Variants in FGF14 observed in about 807,000 individuals in gnomAD.
FGF14 encodes the protein fibroblast growth factor homologous factor 4.
In FGF14, 5 loss-of-function variants were observed where a neutral mutation model predicts 25.5. The ratio of observed to expected loss-of-function variants is 0.20; its 90% CI spans 0.10 to 0.41. The LOEUF is 0.41. Ranked by LOEUF, FGF14 falls within the 10% of genes least tolerant of loss-of-function variation. FGF14 has a pLI of 1.00. For missense variants in FGF14, 222 were observed against 320.1 expected (o/e 0.69, Z 2.34); for synonymous variants, 138 against 118.3 (o/e 1.17, Z -1.08).
intron 1 of FGF14, among the ~76,000 whole-genome samples, chr13:102,365,685 T>G (rs2057690332): frequency 6.6e-6 from 1 of 152,190 alleles, no homozygotes; most frequent in Admixed American, 6.5e-5. Flanking sequence ...CATGTCTGAA[T>G]TTCAGTCTCC....
chr13:102,374,847 T>C (rs2058000585), intron 1 of FGF14, among the ~76,000 whole-genome samples: 1 of 151,602 alleles, frequency 6.6e-6, no homozygotes, highest in South Asian at 2.1e-4. Flanking sequence ...ATAGGTAGTT[T>C]ATGCAATTTT....
intron 1 of FGF14, among the ~76,000 whole-genome samples, chr13:102,280,788 G>T (rs1179598551): frequency 6.6e-6 from 1 of 152,176 alleles, no homozygotes; most frequent in African/African-American, 2.4e-5. Flanking sequence ...AGTTTAATAG[G>T]AATATGAAAA....
chr13:102,227,061 C>CA (rs1430063629), intron 1 of FGF14, among the ~76,000 whole-genome samples: 5 of 152,122 alleles, frequency 3.3e-5, no homozygotes, highest in African/African-American at 7.2e-5. Context: ...TCAAACATGA[C>CA]TGCCTGTCTA....
intron 1 of FGF14, chr13:102,394,884 A>C (rs1008419977): frequency 6.6e-6 from 1 of 152,358 alleles, no homozygotes; most frequent in African/African-American, 2.4e-5. Flanking sequence ...GCGGCTTTGC[A>C]GAAAACAAAT....
intron 3 of FGF14, among the ~76,000 whole-genome samples, chr13:101,850,083 A>G (rs1375783978): frequency 6.6e-6 from 1 of 151,798 alleles, no homozygotes; most frequent in Non-Finnish European, 1.5e-5. Context: ...GGGTCAAATA[A>G]TCCATTATCC....
At chr13:101,752,644 A>G (rs1291630933) in intron 3 of FGF14, among the ~76,000 whole-genome samples, 4 of 152,172 alleles carry the variant, frequency 2.6e-5, no homozygotes, top group African/African-American at 9.7e-5. Flanking sequence ...TTTCATACAG[A>G]AAGTCTCTAA....
chr13:102,075,618 T>G (rs1312955023), intron 1 of FGF14, among the ~76,000 whole-genome samples: 3 of 152,262 alleles, frequency 2.0e-5, no homozygotes, highest in African/African-American at 7.2e-5. Flanking sequence ...GCTTGTGGAT[T>G]TACTATACAT....
At chr13:102,287,685 T>C (rs1172660144) in intron 1 of FGF14, among the ~76,000 whole-genome samples, 1 of 152,234 alleles carries the variant, frequency 6.6e-6, no homozygotes, top group Non-Finnish European at 1.5e-5. Flanking sequence ...TAATAAAATA[T>C]ATCACATGAA....
intron 1 of FGF14, among the ~76,000 whole-genome samples, chr13:102,247,524 C>A (rs1242608561): frequency 6.6e-6 from 1 of 152,030 alleles, no homozygotes; most frequent in Non-Finnish European, 1.5e-5. Context: ...AAATGTAAAT[C>A]AAAACCACAA....
chr13:101,946,819 A>G (rs9557761), intron 1 of FGF14, among the ~76,000 whole-genome samples: 30,297 of 152,170 alleles, frequency 0.2, 3,509 homozygotes, highest in East Asian at 0.52. Context: ...GATAAATTCA[A>G]TGGAGGCTTG....
chr13:101,938,865 A>T (rs193098695), intron 1 of FGF14, among the ~76,000 whole-genome samples: 9 of 152,070 alleles, frequency 5.9e-5, no homozygotes, highest in African/African-American at 1.9e-4. Context: ...AGAAAATAAG[A>T]TAACTTCATT....
At chr13:102,223,445 T>G (rs1399812714) in intron 1 of FGF14, among the ~76,000 whole-genome samples, 1 of 152,218 alleles carries the variant, frequency 6.6e-6, no homozygotes, top group African/African-American at 2.4e-5. Context: ...AGTACTCTTG[T>G]CAGCTTTGTG....
chr13:102,181,852 G>A (rs144353938), intron 1 of FGF14, among the ~76,000 whole-genome samples: 7 of 152,188 alleles, frequency 4.6e-5, no homozygotes, highest in Non-Finnish European at 7.4e-5. Flanking sequence ...CGGCATGGAC[G>A]TCTTTGGAGA....
At chr13:101,878,710 T>C (rs989573964) in intron 1 of FGF14, among the ~76,000 whole-genome samples, 4 of 151,270 alleles carry the variant, frequency 2.6e-5, no homozygotes, top group African/African-American at 7.3e-5. Context: ...GCCAAAAGAG[T>C]TTGAAAATGT....
chr13:102,306,100 C>T (rs1165423181), intron 1 of FGF14, among the ~76,000 whole-genome samples: 1 of 152,242 alleles, frequency 6.6e-6, no homozygotes, highest in East Asian at 1.9e-4. Context: ...GGGCTGTAAA[C>T]CCCTAGGTTA....
chr13:101,881,596 T>C (rs1296355117), intron 1 of FGF14, among the ~76,000 whole-genome samples: 1 of 151,860 alleles, frequency 6.6e-6, no homozygotes, highest in African/African-American at 2.4e-5. Context: ...AAAGCACGTA[T>C]CTTTTGGTGA....
chr13:101,906,021 G>A (rs556003623), intron 1 of FGF14, among the ~76,000 whole-genome samples: 1 of 151,298 alleles, frequency 6.6e-6, no homozygotes, highest in African/African-American at 2.4e-5. Context: ...ATGCAGTGAA[G>A]ATGTCTGGTT....
intron 1 of FGF14, among the ~76,000 whole-genome samples, chr13:102,228,005 C>T (rs1469476431): frequency 1.3e-5 from 2 of 152,156 alleles, no homozygotes; most frequent in Admixed American, 1.3e-4. Flanking sequence ...ATATGATACT[C>T]TTCATTCCTC....
At chr13:102,268,275 A>G (rs747924232) in intron 1 of FGF14, among the ~76,000 whole-genome samples, 1 of 152,178 alleles carries the variant, frequency 6.6e-6, no homozygotes, top group South Asian at 2.1e-4. Context: ...GAAATAGTTC[A>G]TAATAATCCA....
Sources: gnomAD v4.1 joint callset for allele counts (sites outside exome capture counted in the v4.1 genomes callset) on GRCh38, gnomAD v4.1.1 for gene constraint, MANE v1.5 for transcripts, NCBI Gene and HGNC (gene_info 2026-07-23, HGNC 2026-07-21) for gene names.